The following ATXN1 variants were observed in gnomAD, a reference collection of about 807,000 sequenced individuals.
The protein encoded by ATXN1 is ataxin-1.
A neutral mutation model predicts 56.4 loss-of-function variants in ATXN1; 8 were observed. That is an observed-to-expected ratio of 0.14 (90% CI 0.08 to 0.26). ATXN1 has a LOEUF of 0.26. ATXN1 is among the 10% of genes least tolerant of loss of function. ATXN1 has a pLI of 1.00. For missense variants in ATXN1, 987 were observed against 1,106.5 expected, an observed-to-expected ratio of 0.89 and a Z score of 1.53; for synonymous variants, 514 against 494.6, an observed-to-expected ratio of 1.04 and a Z score of -0.52.
intron 2 of ATXN1, chr6:16,739,660 T>G: frequency 2.7e-6 from 1 of 375,796 alleles, no homozygotes; most frequent in Non-Finnish European, 5.5e-6. Flanking sequence ...TGACTAAGCC[T>G]GCGCCAGCTC....
At chr6:16,453,420 C>T (rs1759795844) in intron 6 of ATXN1, among the ~76,000 whole-genome samples, 1 of 152,124 alleles carries the variant, frequency 6.6e-6, no homozygotes, top group Non-Finnish European at 1.5e-5. Context: ...AAGATTGCGC[C>T]ACTGCACTCC....
chr6:16,759,886 G>A (rs996664085), intron 1 of ATXN1, among the ~76,000 whole-genome samples: 1 of 152,144 alleles, frequency 6.6e-6, no homozygotes, highest in African/African-American at 2.4e-5. Context: ...CCTGAAGGCG[G>A]GGGGCTGAAG....
rs146256378 is a variant in ATXN1, at chr6:16,309,989, G to A, written c.1918-3130C>T. On this transcript the variant is annotated intron_variant, in intron 7 of 7. Transcript: ENST00000436367. ...GCGGAGGTTGCAGTGAGCCAAGATC[G>A]TTGCAGTGAGCCAAGATCGTTGCAG... Among the ~76,000 whole-genome samples, 18 of 150,778 alleles carry A rather than the reference G, an allele frequency of 1.2e-4. No individual in the cohort carries two copies. The East Asian group carries it at 2.7e-3, about 23-fold the overall frequency.
At chr6:16,622,498 G>A (rs1763336615) in intron 3 of ATXN1, among the ~76,000 whole-genome samples, 2 of 152,110 alleles carry the variant, frequency 1.3e-5, no homozygotes, top group Admixed American at 1.3e-4. Flanking sequence ...ATCGAACACA[G>A]GAAGTACTAA....
intron 2 of ATXN1, among the ~76,000 whole-genome samples, chr6:16,742,721 C>T (rs570917): frequency 0.25 from 38,486 of 152,100 alleles, 5,455 homozygotes; most frequent in South Asian, 0.32. Context: ...GATGGTCACC[C>T]GGCCGGCCAA....
chr6:16,330,291 C>T (rs1479050625), intron 6 of ATXN1, among the ~76,000 whole-genome samples: 1 of 152,056 alleles, frequency 6.6e-6, no homozygotes, highest in Admixed American at 6.5e-5. Context: ...TGGAGCAACA[C>T]TGAAATCCCT....
intron 2 of ATXN1, among the ~76,000 whole-genome samples, chr6:16,722,600 A>G (rs1759766904): frequency 6.6e-6 from 1 of 152,240 alleles, no homozygotes; most frequent in African/African-American, 2.4e-5. Context: ...CAAAACTCAC[A>G]GTAAATAACG....
At chr6:16,315,419 A>C (rs993768355) in intron 7 of ATXN1, among the ~76,000 whole-genome samples, 1 of 151,826 alleles carries the variant, frequency 6.6e-6, no homozygotes, top group Non-Finnish European at 1.5e-5. Context: ...GCTGCATCTC[A>C]CTCGCTCGGT....
At chr6:16,402,842 G>A (rs746595383) in intron 6 of ATXN1, among the ~76,000 whole-genome samples, 68 of 152,160 alleles carry the variant, frequency 4.5e-4, no homozygotes, top group Non-Finnish European at 5.1e-4. Flanking sequence ...AGAGGTTCTG[G>A]GCTTTTTATG....
chr6:16,604,324 CAAAAAAAAA>C (rs57547112), intron 3 of ATXN1, among the ~76,000 whole-genome samples: 2 of 112,086 alleles, frequency 1.8e-5, no homozygotes, highest in East Asian at 5.3e-4. Context: ...AACTCTGTCT[CAAAAAAAAA>C]AAAAAAAACA....
At chr6:16,525,251 C>G (rs1761368744) in intron 4 of ATXN1, among the ~76,000 whole-genome samples, 1 of 151,998 alleles carries the variant, frequency 6.6e-6, no homozygotes, top group Non-Finnish European at 1.5e-5. Context: ...TTTACAATAG[C>G]TAAGATTTGG....
intron 6 of ATXN1, among the ~76,000 whole-genome samples, chr6:16,421,976 T>C (rs1165809811): frequency 6.6e-6 from 1 of 152,212 alleles, no homozygotes; most frequent in Non-Finnish European, 1.5e-5. Context: ...TTTTATTATA[T>C]GCCAATCCCA....
At chr6:16,676,604 G>A (rs1230496067) in intron 2 of ATXN1, among the ~76,000 whole-genome samples, 1 of 152,142 alleles carries the variant, frequency 6.6e-6, no homozygotes, top group East Asian at 1.9e-4. Context: ...CAATGGCAGA[G>A]TATGCCACGA....
chr6:16,327,941 G>A lies in ATXN1; in HGVS notation c.370C>T (p.Pro124Ser). The change falls in exon 7 of 8, where the codon CCG becomes TCG. Residue 124 changes from proline (P) to serine (S), a missense_variant. Transcript: ENST00000436367. ...GACCCAATGAACTGGAAGGTGTGCGGCAGGTGAGCGTACTGCACGGGGGAC... is the reference window on the plus strand; with the variant it reads ...GACCCAATGAACTGGAAGGTGTGCGACAGGTGAGCGTACTGCACGGGGGAC... ...PVSPVQYAHLPHTFQFIGSSQ... is the reference protein window; with the variant it reads ...PVSPVQYAHLSHTFQFIGSSQ... 2 of 1,612,068 alleles carry A rather than the reference G, an allele frequency of 1.2e-6. No individual in the cohort carries two copies. Among genetic ancestry groups the A allele is most frequent in the East Asian group, 2.2e-5 (1 of 44,878 alleles).
rs115156122 is a variant in ATXN1 at position 16,644,142 on chromosome 6, G to A, written c.-489+13634C>T. Among the ~76,000 whole-genome samples the A allele has an allele frequency of 2.3e-3, 352 of 152,264 alleles. 1 individual carries two copies. The highest frequency in any genetic ancestry group is 7.8e-3 in the African/African-American group (326 of 41,546). On this transcript the variant is annotated intron_variant, in intron 3 of 7. Transcript: ENST00000436367. ...TAATGAATGCAGAGCTTCTGTTCGGGATGATGAAAAAGTTCTGGAAATGGA... is the reference window on the plus strand; with the variant it reads ...TAATGAATGCAGAGCTTCTGTTCGGAATGATGAAAAAGTTCTGGAAATGGA...
At chr6:16,369,318 G>A (rs1013503470) in intron 6 of ATXN1, among the ~76,000 whole-genome samples, 7 of 152,152 alleles carry the variant, frequency 4.6e-5, no homozygotes, top group South Asian at 2.1e-4. Context: ...AAAGAAACCC[G>A]ATATCCAACA....
intron 3 of ATXN1, among the ~76,000 whole-genome samples, chr6:16,599,582 G>A (rs931325232): frequency 6.6e-6 from 1 of 151,834 alleles, no homozygotes; most frequent in East Asian, 1.9e-4. Context: ...ATGGTGGCAC[G>A]TGCCTGTAAT....
chr6:16,757,420 G>A (rs1279257125), intron 1 of ATXN1, among the ~76,000 whole-genome samples: 1 of 152,106 alleles, frequency 6.6e-6, no homozygotes, highest in African/African-American at 2.4e-5. Context: ...GACCTCCAAG[G>A]CATTGTGTAA....
At position 16,760,912 on chromosome 6, in the gene ATXN1, G is replaced by A. The variant is rs1356587051; in HGVS notation, c.-730+386C>T. Among the ~76,000 whole-genome samples, 1 of 145,256 alleles carries A rather than the reference G, an allele frequency of 6.9e-6. No homozygotes were observed. ...GCCGGGGGAGCGGGGCGCCGCCGCC[G>A]CTCTCCCCGCCCGCGCCCCCCGCCC... On this transcript the variant is annotated intron_variant, in intron 1 of 7. Coordinates refer to ENST00000436367, the MANE Select transcript of ATXN1 (RefSeq NM_001128164.2). The surrounding 1 kb of genome is among the most constrained non-coding windows in gnomAD (Gnocchi z 5.3).
Sources: gnomAD v4.1 joint callset for allele counts (sites outside exome capture counted in the v4.1 genomes callset) on GRCh38, gnomAD v4.1.1 for gene constraint, Gnocchi (gnomAD v3.1) non-coding constraint, MANE v1.5 for transcripts, NCBI Gene and HGNC (gene_info 2026-07-23, HGNC 2026-07-21) for gene names.